The following ADCY10 variants were observed in gnomAD, a reference collection of about 807,000 sequenced individuals.
ADCY10 encodes the protein adenylate cyclase 10.
ADCY10 carries 156 observed loss-of-function variants against 183.3 expected under a neutral mutation model. The ratio of observed to expected loss-of-function variants is 0.85; its 90% CI spans 0.75 to 0.97. The LOEUF is 0.97. Among genes scored for constraint, ADCY10 ranks in the 50% least tolerant of loss-of-function variants. ADCY10 has a pLI of 0.00. For synonymous variants in ADCY10, 645 were observed against 670.0 expected (o/e 0.96, Z 0.58); for missense variants, 1,745 against 1,934.3 (o/e 0.90, Z 1.84).
chr1:167,872,135 A>C (rs1385535837), intron 13 of ADCY10, among the ~76,000 whole-genome samples: 1 of 152,144 alleles, frequency 6.6e-6, no homozygotes, highest in East Asian at 1.9e-4. Flanking sequence ...TGAGGTCAGG[A>C]GTTCGAGACC....
chr1:167,827,665 T>C (rs964210146), intron 26 of ADCY10, among the ~76,000 whole-genome samples: 1 of 151,892 alleles, frequency 6.6e-6, no homozygotes, highest in Admixed American at 6.6e-5. Context: ...AGAGACCACA[T>C]GAGGTCAAAG....
chr1:167,862,280 G>A (rs1666343580), intron 14 of ADCY10, among the ~76,000 whole-genome samples: 1 of 152,220 alleles, frequency 6.6e-6, no homozygotes, highest in Non-Finnish European at 1.5e-5. Context: ...GATACAATTA[G>A]TTAAGATGAG....
intron 17 of ADCY10, 108 bp from the exon 18 acceptor site, chr1:167,854,597 T>A: frequency 8.8e-6 from 12 of 1,366,572 alleles, no homozygotes; most frequent in Non-Finnish European, 1.2e-5. Context: ...TCATTCTTCA[T>A]TTGTTTCTGT....
intron 26 of ADCY10, among the ~76,000 whole-genome samples, chr1:167,825,400 C>T (rs1174504992): frequency 6.6e-6 from 1 of 151,628 alleles, no homozygotes; most frequent in African/African-American, 2.4e-5. Flanking sequence ...TCTATAATCC[C>T]AGCACTTCTG....
At chr1:167,844,387 C>T (rs1468187394) in intron 21 of ADCY10, among the ~76,000 whole-genome samples, 2 of 152,206 alleles carry the variant, frequency 1.3e-5, no homozygotes, top group Non-Finnish European at 2.9e-5. Flanking sequence ...ATGCTCGTCC[C>T]ACTGTGCAAA....
chr1:167,845,376 C>T, intron 21 of ADCY10, 187 bp downstream of exon 21: 1 of 642,676 alleles, frequency 1.6e-6, no homozygotes. Context: ...GTTCGCTAGA[C>T]TCAATACAGG....
intron 6 of ADCY10, 87 bp from the exon 7 acceptor site, chr1:167,896,778 G>A: frequency 1.1e-6 from 1 of 909,398 alleles, no homozygotes; most frequent in Non-Finnish European, 1.8e-6. Flanking sequence ...AAGAGAGTAT[G>A]CTTTTGACTG....
At chr1:167,855,274 C>T (rs536412977) in intron 17 of ADCY10, among the ~76,000 whole-genome samples, 4 of 152,248 alleles carry the variant, frequency 2.6e-5, no homozygotes, top group South Asian at 4.1e-4. Context: ...GAGCCGAGAT[C>T]GTGCCATTGC....
chr1:167,895,463 C>T (rs546406286), intron 7 of ADCY10, among the ~76,000 whole-genome samples: 1 of 152,264 alleles, frequency 6.6e-6, no homozygotes, highest in East Asian at 1.9e-4. Flanking sequence ...TACTCCAGAC[C>T]TGTACATAAA....
At chr1:167,880,248 A>G in intron 10 of ADCY10, 57 bp from the exon 11 acceptor site, 1 of 1,470,066 alleles carries the variant, frequency 6.8e-7, no homozygotes, top group South Asian at 1.2e-5. Context: ...GAGCGTAGAG[A>G]AAGTGGGAAG....
intron 1 of ADCY10, among the ~76,000 whole-genome samples, chr1:167,911,559 C>T (rs995136633): frequency 4.6e-5 from 7 of 152,244 alleles, no homozygotes; most frequent in African/African-American, 9.6e-5. Context: ...AGTTGCTAGC[C>T]GATCGGGACA....
At chr1:167,879,439 T>G (rs1021978871) in intron 11 of ADCY10, among the ~76,000 whole-genome samples, 1 of 152,162 alleles carries the variant, frequency 6.6e-6, no homozygotes, top group African/African-American at 2.4e-5. Context: ...AACTATTTAT[T>G]GTGGAGAAAT....
intron 2 of ADCY10, among the ~76,000 whole-genome samples, chr1:167,904,288 A>G (rs1419733684): frequency 6.6e-6 from 1 of 151,994 alleles, no homozygotes; most frequent in African/African-American, 2.4e-5. Context: ...GGGTTTCACC[A>G]TGTTAGCCAG....
chr1:167,815,941 A>G (rs1403443216), intron 31 of ADCY10, among the ~76,000 whole-genome samples: 1 of 152,006 alleles, frequency 6.6e-6, no homozygotes, highest in Non-Finnish European at 1.5e-5. Context: ...GTTCAAGAGC[A>G]TATCAATAGA....
rs914275206 is a variant in ADCY10, at chr1:167,875,171, C to T, written c.1422G>A (p.Ala474=). 21 of 1,613,998 alleles carry T rather than the reference C, an allele frequency of 1.3e-5. No homozygotes were observed. Among genetic ancestry groups the T allele is most frequent in the Middle Eastern group, 1.6e-4 (1 of 6,082 alleles). The change falls in exon 13 of 33, where the codon GCG becomes GCA. Residue 474 remains alanine (A), a synonymous_variant. Transcript: ENST00000367851. The part of the protein sequence containing the change: ...GRTEKVMFGM[A]CLICNRKEDY... ...CCTCCTTTCTGTTGCAGATGAGGCA[C>T]GCCATACCAAACATGCTGAAGAGAA...
chr1:167,815,588 A>G (rs538127583), intron 31 of ADCY10, among the ~76,000 whole-genome samples: 1 of 152,174 alleles, frequency 6.6e-6, no homozygotes, highest in Non-Finnish European at 1.5e-5. Context: ...ATTACTAAAG[A>G]CTTATTTAGA....
At chr1:167,829,019 T>C (rs1663517056) in intron 26 of ADCY10, among the ~76,000 whole-genome samples, 1 of 152,214 alleles carries the variant, frequency 6.6e-6, no homozygotes, top group Non-Finnish European at 1.5e-5. Flanking sequence ...GACTTTTGTT[T>C]CTTATATGCT....
At position 167,870,434 on chromosome 1, in the gene ADCY10, G is replaced by C. The variant is rs367993870; in HGVS notation, c.1463-24C>G. ...TCCTGTTATTTTTAGTTTTAAAAAA[G>C]AGCAAACTCAATCAACGTAAAATAG... On this transcript the variant is annotated intron_variant, in intron 13 of 32. Coordinates refer to ENST00000367851, the MANE Select transcript of ADCY10 (RefSeq NM_018417.6). The C allele has an allele frequency of 1.7e-5, 27 of 1,581,912 alleles. No homozygotes were observed. In the African/African-American group the frequency reaches 3.4e-4, roughly 20 times the overall value.
chr1:167,904,183 G>GTT (rs1669662595), intron 2 of ADCY10, among the ~76,000 whole-genome samples, 192 bp from the exon 3 acceptor site: 1 of 151,306 alleles, frequency 6.6e-6, no homozygotes, highest in Admixed American at 6.6e-5. Context: ...CGCCTCCCGG[G>GTT]TTCAAGCAAT....
Sources: gnomAD v4.1 joint callset for allele counts (sites outside exome capture counted in the v4.1 genomes callset) on GRCh38, gnomAD v4.1.1 for gene constraint, MANE v1.5 for transcripts, NCBI Gene and HGNC (gene_info 2026-07-23, HGNC 2026-07-21) for gene names.